Variants in CCDC171 observed in about 807,000 individuals in gnomAD.
CCDC171 encodes the protein coiled-coil domain containing 171, also known as coiled-coil domain-containing protein 171.
A neutral mutation model predicts 168.2 loss-of-function variants in CCDC171; 177 were observed. The ratio of observed to expected loss-of-function variants is 1.05; its 90% CI spans 0.93 to 1.19. The LOEUF is 1.19. CCDC171 is among the 50% of genes most tolerant of loss of function. The pLI is 0.00. For missense variants in CCDC171, 1,991 were observed against 1,539.0 expected (o/e 1.29, Z -4.91); for synonymous variants, 687 against 540.8 (o/e 1.27, Z -3.75).
intron 21 of CCDC171, among the ~76,000 whole-genome samples, chr9:15,798,877 G>A (rs895025137): frequency 1.3e-5 from 2 of 151,758 alleles, no homozygotes; most frequent in Non-Finnish European, 2.9e-5. Flanking sequence ...AGGGGCTGCT[G>A]TAGTGTTTAT....
intron 24 of CCDC171, among the ~76,000 whole-genome samples, chr9:15,876,667 G>A (rs949534681): frequency 2.6e-5 from 4 of 152,086 alleles, no homozygotes; most frequent in Non-Finnish European, 2.9e-5. Context: ...ATGCATCTAT[G>A]TATGATATAG....
At chr9:15,867,541 A>T (rs572997737) in intron 23 of CCDC171, among the ~76,000 whole-genome samples, 9 of 152,142 alleles carry the variant, frequency 5.9e-5, no homozygotes, top group Admixed American at 2.0e-4. Context: ...AGGTGTTAAC[A>T]CAGCTGGCTT....
intron 25 of CCDC171, among the ~76,000 whole-genome samples, chr9:15,934,699 G>T (rs1166574636): frequency 6.6e-6 from 1 of 151,996 alleles, no homozygotes; most frequent in South Asian, 2.1e-4. Flanking sequence ...ATAAATACTT[G>T]TATACAAATG....
At position 15,578,846 on chromosome 9, in the gene CCDC171, T is replaced by A; in HGVS notation, c.178-3T>A. ...CATGTTGATATCAGGAATCTGTTTT[T>A]AGCTGGCAAGCTATGAGAGCCAGAT... On this transcript the variant is annotated splice_region_variant and splice_polypyrimidine_tract_variant and intron_variant, in intron 3 of 25. Coordinates refer to ENST00000380701, the MANE Select transcript of CCDC171 (RefSeq NM_173550.4). 5 of 1,611,390 alleles carry A rather than the reference T, an allele frequency of 3.1e-6. No homozygotes were observed. The highest frequency in any genetic ancestry group is 4.2e-6 in the Non-Finnish European group (5 of 1,178,712).
At chr9:15,628,536 T>A (rs1173775470) in intron 7 of CCDC171, among the ~76,000 whole-genome samples, 1 of 152,220 alleles carries the variant, frequency 6.6e-6, no homozygotes, top group Middle Eastern at 3.2e-3. Context: ...AAGCTTGAAT[T>A]GGGTGGAGCC....
intron 6 of CCDC171, among the ~76,000 whole-genome samples, chr9:16,031,657 C>T (rs1833366027): frequency 6.6e-6 from 1 of 152,170 alleles, no homozygotes; most frequent in African/African-American, 2.4e-5. Flanking sequence ...TTATGGGCCC[C>T]CTGAGGACAG....
chr9:15,847,544 A>G (rs1043736072), intron 22 of CCDC171, among the ~76,000 whole-genome samples: 1 of 152,090 alleles, frequency 6.6e-6, no homozygotes, highest in African/African-American at 2.4e-5. Flanking sequence ...ATTTCATGGA[A>G]TACTTTAAAG....
chr9:15,804,920 C>G (rs181538304), intron 21 of CCDC171, among the ~76,000 whole-genome samples: 124 of 152,114 alleles, frequency 8.2e-4, no homozygotes, highest in Non-Finnish European at 7.4e-5. Flanking sequence ...TTATTACTGC[C>G]TCAATTTCAG....
At chr9:15,922,787 G>T (rs1436584445) in intron 25 of CCDC171, among the ~76,000 whole-genome samples, 1 of 151,568 alleles carries the variant, frequency 6.6e-6, no homozygotes, top group Non-Finnish European at 1.5e-5. Flanking sequence ...ATATCTCATT[G>T]TGGTTTTCAT....
intron 21 of CCDC171, among the ~76,000 whole-genome samples, chr9:15,837,969 G>T (rs1325118949): frequency 2.0e-5 from 3 of 152,096 alleles, no homozygotes; most frequent in Non-Finnish European, 4.4e-5. Context: ...CCGAAATAGT[G>T]TAGTTCTCCT....
intron 4 of CCDC171, among the ~76,000 whole-genome samples, chr9:15,579,534 TTAAA>T (rs1467402797): frequency 2.0e-5 from 3 of 152,184 alleles, no homozygotes; most frequent in Admixed American, 6.5e-5. Flanking sequence ...GCCCTTGGAC[TTAAA>T]TAAAGCCTTT....
intron 1 of CCDC171, among the ~76,000 whole-genome samples, chr9:16,057,408 G>T (rs572706421): frequency 6.6e-6 from 1 of 152,296 alleles, no homozygotes; most frequent in South Asian, 2.1e-4. Flanking sequence ...AAGATGTGCT[G>T]GTTTTGGTTA....
chr9:15,584,826 A>G (rs1385813948), intron 4 of CCDC171, among the ~76,000 whole-genome samples: 1 of 152,216 alleles, frequency 6.6e-6, no homozygotes, highest in Non-Finnish European at 1.5e-5. Flanking sequence ...CCTGGAATTT[A>G]GGAATATAAG....
chr9:15,787,796 T>A (rs75561359), intron 21 of CCDC171, among the ~76,000 whole-genome samples: 4,157 of 152,298 alleles, frequency 0.027, 217 homozygotes, highest in African/African-American at 0.095. Context: ...TTAAAACATT[T>A]TTGACAGTTT....
intron 6 of CCDC171, among the ~76,000 whole-genome samples, chr9:15,599,682 CTGAA>C (rs2042675337): frequency 6.6e-6 from 1 of 152,084 alleles, no homozygotes; most frequent in African/African-American, 2.4e-5. Flanking sequence ...TTTCTTGAAT[CTGAA>C]TGTTGGCCTG....
chr9:15,947,903 C>T (rs1017382754), intron 25 of CCDC171, among the ~76,000 whole-genome samples: 1 of 151,566 alleles, frequency 6.6e-6, no homozygotes, highest in Non-Finnish European at 1.5e-5. Context: ...TATACATGTG[C>T]CATGCTGGTG....
chr9:16,066,899 G>A, the CCDC171 span, among the ~76,000 whole-genome samples: 481 of 150,934 alleles, frequency 3.2e-3, no homozygotes, highest in African/African-American at 0.011. Context: ...CTTTGCTATT[G>A]TGAATAATGC....
At chr9:15,937,086 A>G (rs1403693998) in intron 25 of CCDC171, among the ~76,000 whole-genome samples, 2 of 152,116 alleles carry the variant, frequency 1.3e-5, no homozygotes, top group African/African-American at 2.4e-5. Flanking sequence ...GTTGACTGAC[A>G]TAAGAATTAA....
chr9:15,861,469 G>T (rs973929108), intron 23 of CCDC171, among the ~76,000 whole-genome samples: 1 of 151,246 alleles, frequency 6.6e-6, no homozygotes, highest in Non-Finnish European at 1.5e-5. Flanking sequence ...TTTGTGTTTC[G>T]TTGATTTTTT....
Sources: gnomAD v4.1 joint callset for allele counts (sites outside exome capture counted in the v4.1 genomes callset) on GRCh38, gnomAD v4.1.1 for gene constraint, MANE v1.5 for transcripts, NCBI Gene and HGNC (gene_info 2026-07-23, HGNC 2026-07-21) for gene names.